THSD7B: variants seen among roughly 807,000 people sequenced by gnomAD.
THSD7B encodes the protein thrombospondin type 1 domain containing 7B.
In THSD7B, 138 loss-of-function variants were observed where a neutral mutation model predicts 213.6. The observed-to-expected ratio is 0.65, with a 90% confidence interval of 0.56 to 0.74. THSD7B has a LOEUF of 0.74. THSD7B is among the 30% of genes least tolerant of loss of function. The pLI is 0.00. For missense variants in THSD7B, 1,931 were observed against 1,991.5 expected (o/e 0.97, Z 0.58); for synonymous variants, 742 against 687.0 (o/e 1.08, Z -1.25).
intron 2 of THSD7B, among the ~76,000 whole-genome samples, chr2:137,043,435 G>C (rs62171219): frequency 3.5e-4 from 53 of 151,988 alleles, no homozygotes; most frequent in Non-Finnish European, 5.4e-4. Flanking sequence ...CAGTGACCTC[G>C]GCCTGCTCTG....
chr2:137,651,745 T>G (rs1483373111), intron 21 of THSD7B, among the ~76,000 whole-genome samples: 1 of 152,068 alleles, frequency 6.6e-6, no homozygotes, highest in African/African-American at 2.4e-5. Context: ...TAGATTTTGG[T>G]TTGTTATATC....
At chr2:137,456,617 TG>T (rs1417675512) in intron 15 of THSD7B, among the ~76,000 whole-genome samples, 1 of 152,172 alleles carries the variant, frequency 6.6e-6, no homozygotes, top group African/African-American at 2.4e-5. Flanking sequence ...ATCATCTTCC[TG>T]GGTATCCATA....
At chr2:137,070,842 T>C (rs1378667006) in intron 3 of THSD7B, among the ~76,000 whole-genome samples, 1 of 149,778 alleles carries the variant, frequency 6.7e-6, no homozygotes, top group Non-Finnish European at 1.5e-5. Flanking sequence ...GATAGTTTGC[T>C]GAGAATGATG....
chr2:137,494,338 C>T (rs950982656), intron 15 of THSD7B, among the ~76,000 whole-genome samples: 3 of 151,912 alleles, frequency 2.0e-5, no homozygotes, highest in Non-Finnish European at 4.4e-5. Flanking sequence ...ACTATATCAA[C>T]TAAAAAAAAT....
At chr2:137,231,517 C>G (rs1681639267) in intron 8 of THSD7B, among the ~76,000 whole-genome samples, 1 of 152,138 alleles carries the variant, frequency 6.6e-6, no homozygotes, top group Admixed American at 6.5e-5. Context: ...CCTTCTTAGA[C>G]AAGAAAGCAG....
intron 17 of THSD7B, among the ~76,000 whole-genome samples, chr2:137,590,791 A>ATT: frequency 1.0e-5 from 1 of 96,944 alleles, no homozygotes; most frequent in East Asian, 3.1e-4. Flanking sequence ...GCTTTGAAAT[A>ATT]GTTTTTTTTT....
At chr2:136,827,088 T>C (rs1573656684) in intron 1 of THSD7B, among the ~76,000 whole-genome samples, 2 of 152,186 alleles carry the variant, frequency 1.3e-5, no homozygotes, top group African/African-American at 4.8e-5. Flanking sequence ...TTTCTGTGAT[T>C]AGTGGTCAGA....
chr2:137,436,915 C>T (rs969954402), intron 14 of THSD7B, among the ~76,000 whole-genome samples: 7 of 152,078 alleles, frequency 4.6e-5, no homozygotes, highest in African/African-American at 1.7e-4. Context: ...GAAATCAAAG[C>T]CAGAGCCAAA....
chr2:137,054,342 T>C (rs1275532629), intron 2 of THSD7B, among the ~76,000 whole-genome samples: 1 of 152,194 alleles, frequency 6.6e-6, no homozygotes, highest in East Asian at 1.9e-4. Context: ...TTAATCTCTC[T>C]CACAAAGTGG....
At chr2:137,386,714 C>A (rs112073482) in intron 12 of THSD7B, among the ~76,000 whole-genome samples, 4,789 of 152,166 alleles carry the variant, frequency 0.031, 272 homozygotes, top group African/African-American at 0.11. Context: ...CCCTCTTCAT[C>A]TCATAATTGA....
chr2:136,890,404 TTCC>T (rs1304046357), intron 2 of THSD7B, among the ~76,000 whole-genome samples: 5 of 1,022 alleles, frequency 4.9e-3, no homozygotes, highest in African/African-American at 7.9e-3. Context: ...CCTCTTCCTC[TTCC>T]TCTTCTTCTT....
intron 1 of THSD7B, among the ~76,000 whole-genome samples, chr2:136,779,194 ATATATGTGTGTGTG>A (rs1455878748): frequency 2.6e-5 from 2 of 76,642 alleles, no homozygotes; most frequent in African/African-American, 1.0e-4. Flanking sequence ...GGCTATATAT[ATATATGTGTGTGTG>A]TGTGTGTGTG....
At chr2:136,833,197 C>G (rs10928574) in intron 1 of THSD7B, among the ~76,000 whole-genome samples, 1 of 151,818 alleles carries the variant, frequency 6.6e-6, no homozygotes, top group African/African-American at 2.4e-5. Context: ...AACCCCGTCT[C>G]TACTAAAAAT....
At chr2:136,791,450 C>A (rs1681962678) in intron 1 of THSD7B, among the ~76,000 whole-genome samples, 1 of 151,848 alleles carries the variant, frequency 6.6e-6, no homozygotes, top group South Asian at 2.1e-4. Context: ...AGTGGTGCAG[C>A]CATCACTACA....
rs185215323 is a variant in THSD7B at position 137,675,986 on chromosome 2, T to C, written c.4740-538T>C. Among the ~76,000 whole-genome samples the C allele has an allele frequency of 1.9e-4, 29 of 152,344 alleles. No individual in the cohort carries two copies. The East Asian group carries it at 5.2e-3, about 27-fold the overall frequency. On this transcript the variant is annotated intron_variant, in intron 27 of 27. Transcript: ENST00000409968. ...CATGAGAAGGAAAAGCAGCCTTCTC[T>C]GACCTGGCAAAGTTGTGGACTTCAG... is the stretch of plus-strand genomic sequence containing the variant.
chr2:137,560,566 G>A (rs1681090595), intron 15 of THSD7B, among the ~76,000 whole-genome samples: 1 of 152,122 alleles, frequency 6.6e-6, no homozygotes, highest in East Asian at 1.9e-4. Flanking sequence ...CTGTTGTGGG[G>A]TGGGTGGAAG....
At chr2:137,401,827 G>T (rs1686372755) in intron 12 of THSD7B, among the ~76,000 whole-genome samples, 1 of 151,914 alleles carries the variant, frequency 6.6e-6, no homozygotes, top group African/African-American at 2.4e-5. Context: ...AATTTATAAA[G>T]AAAAACAAAC....
intron 1 of THSD7B, among the ~76,000 whole-genome samples, chr2:136,797,907 C>G (rs1489451707): frequency 6.6e-6 from 1 of 151,948 alleles, no homozygotes; most frequent in East Asian, 1.9e-4. Context: ...AATTTTCTGT[C>G]CTGCTGTTTG....
intron 15 of THSD7B, among the ~76,000 whole-genome samples, chr2:137,560,497 G>T (rs189943472): frequency 1.3e-5 from 2 of 152,198 alleles, no homozygotes; most frequent in Admixed American, 1.3e-4. Flanking sequence ...TCACTCATAG[G>T]TGGGAATTGA....
Sources: allele counts gnomAD v4.1 joint callset (sites outside exome capture counted in the v4.1 genomes callset), GRCh38; gene constraint gnomAD v4.1.1; transcripts MANE v1.5; gene names NCBI Gene and HGNC (gene_info 2026-07-23, HGNC 2026-07-21).